BTN3A1: variants seen among roughly 807,000 people sequenced by gnomAD.
BTN3A1 encodes dJ45P21.3 (butyrophilin, subfamily 3, member A1).
A neutral mutation model predicts 43.0 loss-of-function variants in BTN3A1; 24 were observed. The observed-to-expected ratio is 0.56, with a 90% CI of 0.40 to 0.78. The LOEUF (loss-of-function observed/expected upper bound fraction) is 0.78, where lower values mean the gene tolerates loss of function less well. Ranked by LOEUF, BTN3A1 falls within the 30% of genes least tolerant of loss-of-function variation. BTN3A1 has a pLI of 0.00. For missense variants in BTN3A1, 533 were observed against 626.2 expected (o/e 0.85, Z 1.59); for synonymous variants, 181 against 234.7 (o/e 0.77, Z 2.09).
rs200674588 is a variant in BTN3A1 at position 26,411,587 on chromosome 6, T to A, written c.1018+6T>A. 177 of 1,613,160 alleles carry A rather than the reference T, an allele frequency of 1.1e-4. 1 individual carries two copies. Among genetic ancestry groups the A allele is most frequent in the South Asian group, 5.7e-4 (52 of 91,016 alleles). ...AAAGGCCCTCTTCAAGCCTGGTGAG[T>A]AAATCACTGTGTGTTCCCTGGACCA... On this transcript the variant is annotated splice_donor_region_variant and intron_variant, in intron 9 of 9. Transcript: ENST00000289361.
chr6:26,407,591 T>A, intron 3 of BTN3A1, 80 bp from the exon 4 acceptor site: 1 of 1,491,500 alleles, frequency 6.7e-7, no homozygotes, highest in East Asian at 2.3e-5. Flanking sequence ...AATTATGGAA[T>A]GTGAGTGTGC....
rs547905257 is a variant in BTN3A1 at position 26,403,430 on chromosome 6, T to C, written c.-193+1018T>C. Among the ~76,000 whole-genome samples, 3 of 152,322 alleles carry C rather than the reference T, an allele frequency of 2.0e-5. No homozygotes were observed. In the South Asian group the frequency reaches 6.2e-4, roughly 32 times the overall value. ...TTCTCTTTTCTGCATTTGGCTATTG[T>C]AGATTTTACTGTATTGAGCAGCCTA... On this transcript the variant is annotated intron_variant, in intron 1 of 9. Coordinates refer to ENST00000289361, the MANE Select transcript of BTN3A1 (RefSeq NM_007048.6).
intron 4 of BTN3A1, 55 bp downstream of exon 4, chr6:26,408,007 A>G (rs1369940858): frequency 6.3e-7 from 1 of 1,599,506 alleles, no homozygotes; most frequent in Non-Finnish European, 8.5e-7. Context: ...AGTTGAATGA[A>G]GGGGGAGGTG....
chr6:26,405,110 A>T (rs942365450), intron 1 of BTN3A1, among the ~76,000 whole-genome samples: 1 of 152,190 alleles, frequency 6.6e-6, no homozygotes, highest in African/African-American at 2.4e-5. Context: ...GGAGTCCACT[A>T]GGCCATGAGT....
intron 7 of BTN3A1, among the ~76,000 whole-genome samples, chr6:26,410,428 C>T (rs1762170388): frequency 1.3e-5 from 2 of 151,984 alleles, no homozygotes; most frequent in Non-Finnish European, 2.9e-5. Context: ...GAAGTGCATT[C>T]TCTATGGCAG....
At position 26,413,496 on chromosome 6, in the gene BTN3A1, C is replaced by A. The variant is rs1325831096; in HGVS notation, c.1346C>A (p.Thr449Asn). Reference sequence around the variant, plus strand: ...TATCGGACTCTAACTGAGCCCAGAACCAACCTGAAACTTCCTAAGCCCCCT... The same window carrying A: ...TATCGGACTCTAACTGAGCCCAGAAACAACCTGAAACTTCCTAAGCCCCCT... Reference protein sequence around the residue: ...NKYRTLTEPRTNLKLPKPPKK... With the variant: ...NKYRTLTEPRNNLKLPKPPKK... Residue 449 changes from threonine to asparagine, a missense_variant, in exon 10 of 10, where the codon ACC becomes AAC. By Grantham distance (65) the Thr-to-Asn change is moderately conservative (BLOSUM62 0). Around this residue, in one of 4 missense-constraint regions of BTN3A1, gnomAD observed 415 missense variants for 427.0 expected, o/e 0.97. Transcript: ENST00000289361. 1 of 1,613,994 alleles carries A rather than the reference C, an allele frequency of 6.2e-7. No homozygotes were observed. Among genetic ancestry groups the A allele is most frequent in the East Asian group, 2.2e-5 (1 of 44,896 alleles).
At position 26,406,081 on chromosome 6, in the gene BTN3A1, A is replaced by G. The variant is rs774075940; in HGVS notation, c.258A>G (p.Glu86=). 2.5e-6 allele frequency: 4 copies of G among 1,603,892 alleles called. No individual in the cohort carries two copies. The South Asian group carries it at 4.4e-5, about 18-fold the overall frequency. Residue 86 remains glutamate, a synonymous_variant, in exon 3 of 10, where the codon GAA becomes GAG. Transcript: ENST00000289361. The stretch of plus-strand genomic sequence containing the variant: ...TGTATGCAGATGGAAAGGAAGTGGA[A>G]GACAGGCAGAGTGCACCGTATCGAG... ...VNVYADGKEV[E]DRQSAPYRGR...
At chr6:26,410,808 T>G (rs1762186687) in intron 7 of BTN3A1, among the ~76,000 whole-genome samples, 1 of 150,258 alleles carries the variant, frequency 6.7e-6, no homozygotes, top group Non-Finnish European at 1.5e-5. Context: ...TATATGTGCA[T>G]ATAGACATGG....
Position 26,413,213 on chromosome 6 carries a change from G to A in BTN3A1, c.1063G>A (p.Val355Ile), listed in dbSNP as rs762018425. The change falls in exon 10 of 10, where the codon GTT (valine) becomes ATT (isoleucine). Residue 355 changes from valine to isoleucine, a missense_variant. By Grantham distance (29) the Val-to-Ile change is conservative. Coordinates refer to ENST00000289361, the MANE Select transcript of BTN3A1 (RefSeq NM_007048.6). ...DPKTANPILL[V>I]SEDQRSVQRA... The stretch of plus-strand genomic sequence containing the variant: ...AAAAACAGCAAACCCCATCCTCCTT[G>A]TTTCTGAGGACCAGAGGAGTGTGCA... 67 of 1,614,022 alleles carry A rather than the reference G, an allele frequency of 4.2e-5. No homozygotes were observed. In the South Asian group the frequency reaches 7.2e-4, roughly 17 times the overall value.
chr6:26,413,230 G>GA lies in BTN3A1; in HGVS notation c.1081dup (p.Ser361LysfsTer16). ...TCCTCCTTGTTTCTGAGGACCAGAG[G>GA]AGTGTGCAGCGTGCCAAGGAGCCCC... On this transcript the variant is annotated frameshift_variant, in exon 10 of 10. Transcript: ENST00000289361. LOFTEE classifies it low-confidence loss of function (END_TRUNC). 2.5e-6 allele frequency: 4 copies of GA among 1,614,228 alleles called. No homozygotes were observed. The highest frequency in any genetic ancestry group is 3.4e-6 in the Non-Finnish European group (4 of 1,180,038).
Position 26,413,309 on chromosome 6 carries a change from T to C in BTN3A1, c.1159T>C (p.Cys387Arg). ...TAATTGGCATTATTGTGTTCTCGGCTGTGAGAGCTTCATATCAGGGAGACA... is the reference window on the plus strand; with the variant it reads ...TAATTGGCATTATTGTGTTCTCGGCCGTGAGAGCTTCATATCAGGGAGACA... The part of the protein sequence containing the change: ...RFNWHYCVLG[C>R]ESFISGRHYW... Residue 387 changes from cysteine to arginine, a missense_variant, in exon 10 of 10, where the codon TGT (cysteine) becomes CGT (arginine). Coordinates refer to ENST00000289361, the MANE Select transcript of BTN3A1 (RefSeq NM_007048.6). The C allele has an allele frequency of 6.2e-7, 1 of 1,614,154 alleles. No individual in the cohort carries two copies. The highest frequency in any genetic ancestry group is 8.5e-7 in the Non-Finnish European group (1 of 1,180,028).
chr6:26,411,588 A>G lies in BTN3A1; in HGVS notation c.1018+7A>G. ...AAGGCCCTCTTCAAGCCTGGTGAGT[A>G]AATCACTGTGTGTTCCCTGGACCAA... On this transcript the variant is annotated splice_region_variant and intron_variant, in intron 9 of 9. Transcript: ENST00000289361. The G allele has an allele frequency of 6.2e-7, 1 of 1,613,280 alleles. No individual in the cohort carries two copies. Among genetic ancestry groups the G allele is most frequent in the Non-Finnish European group, 8.5e-7 (1 of 1,179,506 alleles).
Position 26,405,482 on chromosome 6 carries a change from G to A in BTN3A1, c.-82G>A. The A allele has an allele frequency of 7.4e-7, 1 of 1,358,550 alleles. No individual in the cohort carries two copies. The highest frequency in any genetic ancestry group is 1.1e-6 in the Non-Finnish European group (1 of 949,330). The allele number at this position is 1,358,550 out of a possible 1,614,324, so 84.2% of individuals were successfully genotyped here. On this transcript the variant is annotated 5_prime_UTR_variant, in exon 2 of 10. Transcript: ENST00000289361. ...TTGAGTTAGCTCTAGGGAAGTGGAG[G>A]TTTCCATTTGGAATTCTATAGCTTC... is the stretch of plus-strand genomic sequence containing the variant.
At chr6:26,409,435 G>T (rs1056976331) in intron 4 of BTN3A1, 98 bp from the exon 5 acceptor site, 3 of 1,121,054 alleles carry the variant, frequency 2.7e-6, no homozygotes, top group African/African-American at 3.1e-5. Context: ...TAGATTCCGT[G>T]CCCTGTGACC....
In BTN3A1 at chr6:26,412,827, C is replaced by T. The variant is rs116191902; in HGVS notation, c.1019-342C>T. On this transcript the variant is annotated intron_variant, in intron 9 of 9. Coordinates refer to ENST00000289361, the MANE Select transcript of BTN3A1 (RefSeq NM_007048.6). ...GGTCGAATGAAGGTTGAAAATTAAC[C>T]TCTGAGTATAAAGCATTAGTGGGCA... is the stretch of plus-strand genomic sequence containing the variant. 5,381 of 1,548,454 alleles carry T rather than the reference C, an allele frequency of 3.5e-3. 118 individuals carry two copies. The African/African-American group carries it at 0.056, about 16-fold the overall frequency.
rs1045882122 is a variant in BTN3A1 at position 26,413,676 on chromosome 6, C to A, written c.1526C>A (p.Thr509Asn). 13 of 1,613,112 alleles carry A rather than the reference C, an allele frequency of 8.1e-6. No homozygotes were observed. The Admixed American group carries it at 8.3e-5, about 10-fold the overall frequency. The stretch of plus-strand genomic sequence containing the variant: ...TTGACCTTGGAGCCCACGGCCCTGA[C>A]TATTTGTCCAGCGTGAAAAGAAGAA... ...RILTLEPTAL[T>N]ICPA is the part of the protein sequence containing the mutation. Residue 509 changes from threonine to asparagine, a missense_variant, in exon 10 of 10, where the codon ACT becomes AAT. Thr to Asn is a moderately conservative substitution (Grantham distance 65). Around this residue, in one of 4 missense-constraint regions of BTN3A1, gnomAD observed 415 missense variants for 427.0 expected, o/e 0.97. Transcript: ENST00000289361.
In BTN3A1 at chr6:26,413,667, C is replaced by A; in HGVS notation, c.1517C>A (p.Thr506Lys). The change falls in exon 10 of 10, where the codon ACG (threonine) becomes AAG (lysine). Residue 506 changes from threonine (T) to lysine (K), a missense_variant. By Grantham distance (78) the Thr-to-Lys change is moderately conservative. Coordinates refer to ENST00000289361, the MANE Select transcript of BTN3A1 (RefSeq NM_007048.6). Reference protein sequence around the residue: ...PVFRILTLEPTALTICPA With the variant: ...PVFRILTLEPKALTICPA The stretch of plus-strand genomic sequence containing the variant: ...TTCAGAATTTTGACCTTGGAGCCCA[C>A]GGCCCTGACTATTTGTCCAGCGTGA... 6.2e-7 allele frequency: 1 copy of A among 1,613,434 alleles called. No individual in the cohort carries two copies.
rs55676749 is a variant in BTN3A1, at chr6:26,405,588, T to C, written c.25T>C (p.Phe9Leu). The change falls in exon 2 of 10, where the codon TTC becomes CTC. Residue 9 changes from phenylalanine to leucine, a missense_variant. Physicochemically the swap from Phe to Leu is conservative, Grantham distance 22. This residue lies in a region of BTN3A1 where 56 missense variants were observed against 67.1 expected (regional missense o/e 0.83). Coordinates refer to ENST00000289361, the MANE Select transcript of BTN3A1 (RefSeq NM_007048.6). MKMASFLA[F>L]LLLNFRVCLL... ...AATGAAAATGGCAAGTTTCCTGGCCTTCCTTCTGCTCAACTTTCGTGTCTG... is the reference window on the plus strand; with the variant it reads ...AATGAAAATGGCAAGTTTCCTGGCCCTCCTTCTGCTCAACTTTCGTGTCTG... The C allele has an allele frequency of 0.021, 33,434 of 1,614,172 alleles. 436 individuals carry two copies. The highest frequency in any genetic ancestry group is 0.032 in the Middle Eastern group (196 of 6,062).
At chr6:26,406,466 G>T (rs996979414) in intron 3 of BTN3A1, among the ~76,000 whole-genome samples, 3 of 152,026 alleles carry the variant, frequency 2.0e-5, no homozygotes, top group African/African-American at 7.3e-5. Flanking sequence ...CTCAAGTAAA[G>T]AACTCCTTTC....
Sources: gnomAD v4.1 joint callset for allele counts (sites outside exome capture counted in the v4.1 genomes callset) on GRCh38, gnomAD v4.1.1 for gene constraint, gnomAD v4.1.1 regional missense constraint, MANE v1.5 for transcripts, NCBI Gene and HGNC (gene_info 2026-07-23, HGNC 2026-07-21) for gene names.